Variants in NUDT9 observed in about 807,000 individuals in gnomAD.
The protein encoded by NUDT9 is ADP-ribose pyrophosphatase.
A neutral mutation model predicts 41.0 loss-of-function variants in NUDT9; 31 were observed. The observed-to-expected ratio is 0.76, with a 90% CI of 0.57 to 1.02. The LOEUF is 1.02. NUDT9 is among the 50% of genes least tolerant of loss of function. The pLI is 0.00. For missense variants in NUDT9, 380 were observed against 431.4 expected, an observed-to-expected ratio of 0.88 and a Z score of 1.06; for synonymous variants, 146 against 147.6, an observed-to-expected ratio of 0.99 and a Z score of 0.08.
rs1723087484 is a variant in NUDT9, at chr4:87,458,611, TAGTC to T, written c.*592_*595del. On this transcript the variant is annotated 3_prime_UTR_variant, in exon 8 of 8. Transcript: ENST00000302174. Reference sequence around the variant, plus strand: ...AGTTTTAAGAGGAAATTTCAGCCACTAGTCAATAGAGATCAAAATCAGTGAACAA... The same window carrying T: ...AGTTTTAAGAGGAAATTTCAGCCACTAATAGAGATCAAAATCAGTGAACAA... 6.6e-6 allele frequency: 1 copy of T among 152,218 alleles called. No homozygotes were observed. The highest frequency in any genetic ancestry group is 6.5e-5 in the Admixed American group (1 of 15,284). 9.4% of individuals were successfully genotyped at this position (152,218 alleles called of 1,614,324 possible).
chr4:87,441,423 G>A (rs1722195970), intron 3 of NUDT9, among the ~76,000 whole-genome samples: 1 of 152,164 alleles, frequency 6.6e-6, no homozygotes, highest in Non-Finnish European at 1.5e-5. Flanking sequence ...GGGATTTAAT[G>A]TAACAGGGAC....
intron 7 of NUDT9, among the ~76,000 whole-genome samples, chr4:87,456,879 C>T (rs1374846867): frequency 6.6e-6 from 1 of 152,002 alleles, no homozygotes; most frequent in African/African-American, 2.4e-5. Context: ...TGCAGTGAGC[C>T]GTGATTGTGC....
chr4:87,455,843 G>GTA (rs771032491), intron 7 of NUDT9, among the ~76,000 whole-genome samples: 78 of 151,854 alleles, frequency 5.1e-4, no homozygotes, highest in African/African-American at 1.7e-3. Context: ...TGTATTTTTA[G>GTA]TAGAGATGGG....
intron 1 of NUDT9, among the ~76,000 whole-genome samples, chr4:87,433,101 A>G (rs1348087495): frequency 1.3e-5 from 2 of 152,120 alleles, no homozygotes; most frequent in Non-Finnish European, 2.9e-5. Flanking sequence ...TGTTTGGTAG[A>G]ATTTATCAGT....
At chr4:87,424,288 T>G (rs1721305309) in intron 1 of NUDT9, among the ~76,000 whole-genome samples, 1 of 142,518 alleles carries the variant, frequency 7.0e-6, no homozygotes, top group East Asian at 2.2e-4. Flanking sequence ...GAGAAGGAGT[T>G]TCGCTCTGTC....
intron 1 of NUDT9, among the ~76,000 whole-genome samples, chr4:87,425,391 CTTTTT>C (rs70957241): frequency 3.4e-5 from 4 of 116,738 alleles, no homozygotes; most frequent in Non-Finnish European, 3.4e-5. Context: ...TGTTCTTTTC[CTTTTT>C]TTTTTTTTTT....
In NUDT9 at chr4:87,458,145, AT is replaced by A. The variant is rs1348266291; in HGVS notation, c.*127del. 3 of 796,142 alleles carry A rather than the reference AT, an allele frequency of 3.8e-6. No individual in the cohort carries two copies. Among genetic ancestry groups the A allele is most frequent in the Non-Finnish European group, 5.3e-6 (3 of 569,604 alleles). 49.3% of individuals were successfully genotyped at this position (796,142 alleles called of 1,614,324 possible). On this transcript the variant is annotated 3_prime_UTR_variant, in exon 8 of 8. Transcript: ENST00000302174. ...ACTTGGCCTATTTACTTTCAAAACA[AT>A]TTGCATTTAGAGTGTTTCGCATCAG...
At chr4:87,439,249 A>C (rs1046368390) in intron 3 of NUDT9, among the ~76,000 whole-genome samples, 1 of 152,066 alleles carries the variant, frequency 6.6e-6, no homozygotes, top group Non-Finnish European at 1.5e-5. Flanking sequence ...ATGGCTGGGG[A>C]GGCCTCAGGA....
At chr4:87,446,373 C>T (rs144430825) in intron 4 of NUDT9, among the ~76,000 whole-genome samples, 1 of 150,542 alleles carries the variant, frequency 6.6e-6, no homozygotes, top group Non-Finnish European at 1.5e-5. Flanking sequence ...GTAGCTGGGA[C>T]TATAGGTGCA....
chr4:87,451,368 T>C (rs927348938), intron 5 of NUDT9, among the ~76,000 whole-genome samples: 10 of 152,188 alleles, frequency 6.6e-5, no homozygotes, highest in African/African-American at 2.4e-4. Context: ...TTGATTGCCA[T>C]AGGCTAACCT....
chr4:87,440,322 G>A (rs901482194), intron 3 of NUDT9, among the ~76,000 whole-genome samples: 4 of 152,124 alleles, frequency 2.6e-5, no homozygotes, highest in African/African-American at 4.8e-5. Context: ...GATGGAATTC[G>A]AAATCCATCA....
At chr4:87,438,150 A>AC in intron 2 of NUDT9, 127 bp from the exon 3 acceptor site, 1 of 490,532 alleles carries the variant, frequency 2.0e-6, no homozygotes, top group South Asian at 3.0e-5. Flanking sequence ...AAAAAAAAAA[A>AC]AAACTAACCC....
chr4:87,449,128 AT>A lies in NUDT9; in HGVS notation c.531-12del. Reference sequence around the variant, plus strand: ...TGTTGTAAATCCGTTATGATTTTATATTACTATTCACAGATGGAAAAGGGAT... The same window carrying A: ...TGTTGTAAATCCGTTATGATTTTATATACTATTCACAGATGGAAAAGGGAT... On this transcript the variant is annotated splice_polypyrimidine_tract_variant and intron_variant, in intron 4 of 7. Coordinates refer to ENST00000302174, the MANE Select transcript of NUDT9 (RefSeq NM_024047.5). 1 of 1,402,718 alleles carries A rather than the reference AT, an allele frequency of 7.1e-7. No individual in the cohort carries two copies. Among genetic ancestry groups the A allele is most frequent in the Non-Finnish European group, 1.0e-6 (1 of 990,440 alleles). 86.9% of individuals were successfully genotyped at this position (1,402,718 alleles called of 1,614,324 possible). A position where few individuals can be genotyped will look rare whatever the true frequency, so the allele number is the denominator to read the frequency against.
At chr4:87,433,010 C>G (rs1331471816) in intron 1 of NUDT9, among the ~76,000 whole-genome samples, 1 of 152,104 alleles carries the variant, frequency 6.6e-6, no homozygotes, top group Admixed American at 6.5e-5. Flanking sequence ...ATGCTGGCCT[C>G]AGAGTGAGTT....
chr4:87,454,382 A>G lies in NUDT9; in HGVS notation c.801A>G (p.Gly267=), dbSNP rs1722896570. Residue 267 remains glycine (G), a synonymous_variant, in exon 7 of 8, where the codon GGA becomes GGG. Transcript: ENST00000302174. The part of the protein sequence containing the change: ...FSQDHLVIYK[G]YVDDPRNTDN... Reference sequence around the variant, plus strand: ...TCTTTTGAAAATAGATATATAAGGGATATGTTGATGATCCTCGAAACACTG... The same window carrying G: ...TCTTTTGAAAATAGATATATAAGGGGTATGTTGATGATCCTCGAAACACTG... 6.2e-7 allele frequency: 1 copy of G among 1,606,890 alleles called. No homozygotes were observed. The highest frequency in any genetic ancestry group is 2.2e-5 in the East Asian group (1 of 44,802).
chr4:87,430,997 C>T (rs1175586412), intron 1 of NUDT9, among the ~76,000 whole-genome samples: 1 of 151,946 alleles, frequency 6.6e-6, no homozygotes, highest in Non-Finnish European at 1.5e-5. Flanking sequence ...GGTGTCATAT[C>T]CAGAAAATCA....
intron 2 of NUDT9, among the ~76,000 whole-genome samples, chr4:87,435,493 C>T (rs1721888365): frequency 6.6e-6 from 1 of 152,154 alleles, no homozygotes; most frequent in Non-Finnish European, 1.5e-5. Context: ...GAAATAACAG[C>T]TGGTACTGTT....
At chr4:87,446,247 C>CTTTTTTT (rs386400738) in intron 4 of NUDT9, among the ~76,000 whole-genome samples, 1 of 124,212 alleles carries the variant, frequency 8.1e-6, no homozygotes, top group African/African-American at 3.1e-5. Context: ...CTTATCTTTC[C>CTTTTTTT]TTTTTTTTTT....
At chr4:87,436,909 G>A (rs145661158) in intron 2 of NUDT9, among the ~76,000 whole-genome samples, 2 of 152,242 alleles carry the variant, frequency 1.3e-5, no homozygotes, top group South Asian at 2.1e-4. Flanking sequence ...TTATGGCAGG[G>A]ATTTTATAGT....
Sources: gnomAD v4.1 joint callset for allele counts (sites outside exome capture counted in the v4.1 genomes callset) on GRCh38, gnomAD v4.1.1 for gene constraint, MANE v1.5 for transcripts, NCBI Gene and HGNC (gene_info 2026-07-23, HGNC 2026-07-21) for gene names.